Variants in CSNK1G1 observed in about 807,000 individuals in gnomAD.
The protein encoded by CSNK1G1 is casein kinase 1 gamma 1, also known as casein kinase I isoform gamma-1.
In CSNK1G1, 22 loss-of-function variants were observed where a neutral mutation model predicts 59.6. The ratio of observed to expected loss-of-function variants is 0.37; its 90% CI spans 0.26 to 0.53. The LOEUF (loss-of-function observed/expected upper bound fraction) is 0.53, where lower values mean the gene tolerates loss of function less well. Ranked by LOEUF, CSNK1G1 falls within the 20% of genes least tolerant of loss-of-function variation. The pLI, the probability that CSNK1G1 is intolerant of heterozygous loss-of-function variation, is 0.89. For synonymous variants in CSNK1G1, 179 were observed against 177.1 expected (o/e 1.01, Z -0.08); for missense variants, 384 against 519.5 (o/e 0.74, Z 2.54).
intron 7 of CSNK1G1, among the ~76,000 whole-genome samples, chr15:64,206,151 C>CA (rs1205822940): frequency 6.6e-6 from 1 of 152,034 alleles, no homozygotes; most frequent in Non-Finnish European, 1.5e-5. Context: ...ACTAAAAATA[C>CA]AAAAAATTGG....
At chr15:64,324,480 G>A (rs919521562) in intron 1 of CSNK1G1, among the ~76,000 whole-genome samples, 4 of 152,182 alleles carry the variant, frequency 2.6e-5, no homozygotes, top group South Asian at 2.1e-4. Flanking sequence ...TCCTACCCTC[G>A]AAGAACATCT....
At chr15:64,225,487 T>C (rs2082447701) in intron 4 of CSNK1G1, among the ~76,000 whole-genome samples, 1 of 152,176 alleles carries the variant, frequency 6.6e-6, no homozygotes, top group Non-Finnish European at 1.5e-5. Context: ...GAGATGCCTC[T>C]GATTGGTCCT....
chr15:64,204,735 C>T, intron 8 of CSNK1G1, 130 bp downstream of exon 8: 3 of 1,161,862 alleles, frequency 2.6e-6, no homozygotes, highest in South Asian at 1.3e-5. Context: ...AGTGATAAAA[C>T]CTACTTTGGT....
intron 10 of CSNK1G1, among the ~76,000 whole-genome samples, chr15:64,190,422 T>C (rs529775251): frequency 3.7e-4 from 56 of 152,344 alleles, no homozygotes; most frequent in African/African-American, 1.3e-3. Context: ...TTATTTTTAT[T>C]TTTTTGGTTG....
At chr15:64,290,397 T>TA (rs963670213) in intron 2 of CSNK1G1, among the ~76,000 whole-genome samples, 3 of 151,888 alleles carry the variant, frequency 2.0e-5, no homozygotes, top group Non-Finnish European at 4.4e-5. Context: ...ATTCCGCCCT[T>TA]AAAAAAATAA....
intron 1 of CSNK1G1, among the ~76,000 whole-genome samples, chr15:64,343,235 A>ACACACACACACACACACACACC (rs1375118135): frequency 2.0e-5 from 3 of 150,476 alleles, no homozygotes; most frequent in Non-Finnish European, 3.0e-5. Flanking sequence ...ACACACACAC[A>ACACACACACACACACACACACC]CCTCTTCTAA....
chr15:64,307,743 G>C (rs551830397), intron 1 of CSNK1G1, among the ~76,000 whole-genome samples: 94 of 152,346 alleles, frequency 6.2e-4, no homozygotes, highest in Middle Eastern at 3.4e-3. Flanking sequence ...CTGGAGTGCA[G>C]TGGTGCAATC....
At chr15:64,236,318 T>C (rs2082616866) in intron 4 of CSNK1G1, among the ~76,000 whole-genome samples, 1 of 152,132 alleles carries the variant, frequency 6.6e-6, no homozygotes, top group Non-Finnish European at 1.5e-5. Context: ...TATCCATTCA[T>C]ACTTTTGCAC....
chr15:64,272,538 G>T (rs908992402), intron 2 of CSNK1G1, among the ~76,000 whole-genome samples: 2 of 152,122 alleles, frequency 1.3e-5, no homozygotes, highest in African/African-American at 2.4e-5. Flanking sequence ...CTTTTAAATG[G>T]GGGTATTTAG....
chr15:64,216,436 A>G lies in CSNK1G1; in HGVS notation c.444+126T>C. 1 of 907,806 alleles carries G rather than the reference A, an allele frequency of 1.1e-6. No individual in the cohort carries two copies. Among genetic ancestry groups the G allele is most frequent in the South Asian group, 1.8e-5 (1 of 57,032 alleles). The allele number at this position is 907,806 out of a possible 1,614,324, so 56.2% of individuals were successfully genotyped here. On this transcript the variant is annotated intron_variant, in intron 5 of 11. Transcript: ENST00000303052. The surrounding 1 kb of genome is among the most constrained non-coding windows in gnomAD (Gnocchi z 4.6). ...CTTTTTGCCCCAGCCAGCTTCCCAG[A>G]ATGCCATCAAGCCTGTGAGTACTAA...
intron 5 of CSNK1G1, among the ~76,000 whole-genome samples, chr15:64,215,434 G>A (rs767318260): frequency 1.3e-5 from 2 of 151,616 alleles, no homozygotes; most frequent in African/African-American, 4.8e-5. Flanking sequence ...GGATGGTCTC[G>A]ATCTCCTGAC....
chr15:64,223,572 T>C (rs1412833484), intron 4 of CSNK1G1, among the ~76,000 whole-genome samples: 2 of 152,198 alleles, frequency 1.3e-5, no homozygotes, highest in African/African-American at 2.4e-5. Flanking sequence ...CCTTCCTAAA[T>C]TGGTAAACTG....
chr15:64,351,390 A>T (rs1898276670), intron 1 of CSNK1G1, among the ~76,000 whole-genome samples: 1 of 152,208 alleles, frequency 6.6e-6, no homozygotes, highest in Non-Finnish European at 1.5e-5. Flanking sequence ...ATAGATATTA[A>T]ACAAAGGTTT....
chr15:64,233,289 G>A (rs901937763), intron 4 of CSNK1G1, among the ~76,000 whole-genome samples: 7 of 152,142 alleles, frequency 4.6e-5, no homozygotes, highest in Non-Finnish European at 1.0e-4. Flanking sequence ...GAAATTACTG[G>A]TCCAAAATGT....
chr15:64,229,150 A>T (rs62021590), intron 4 of CSNK1G1, among the ~76,000 whole-genome samples: 29,561 of 152,048 alleles, frequency 0.19, 4,008 homozygotes, highest in African/African-American at 0.39. Context: ...CCACCATGTA[A>T]CATATCTGTT....
At chr15:64,312,385 T>C (rs577882556) in intron 1 of CSNK1G1, among the ~76,000 whole-genome samples, 12 of 152,352 alleles carry the variant, frequency 7.9e-5, no homozygotes, top group African/African-American at 2.6e-4. Flanking sequence ...CAAAACAGCA[T>C]GGTACTGGGA....
chr15:64,293,677 G>A lies in CSNK1G1; in HGVS notation c.181+6642C>T, dbSNP rs530789935. ...CCGTGGCCCTGTTAGGAACCAGGCTGCATGGCAGGAGGTGAGCAGTGGGTA... is the reference window on the plus strand; with the variant it reads ...CCGTGGCCCTGTTAGGAACCAGGCTACATGGCAGGAGGTGAGCAGTGGGTA... On this transcript the variant is annotated intron_variant, in intron 2 of 11. Transcript: ENST00000303052. 3.9e-5 allele frequency among the ~76,000 whole-genome samples: 6 copies of A among 152,364 alleles called. No homozygotes were observed. In the East Asian group the frequency reaches 1.2e-3, roughly 29 times the overall value.
At chr15:64,251,862 G>C (rs1439117319) in intron 3 of CSNK1G1, among the ~76,000 whole-genome samples, 1 of 152,100 alleles carries the variant, frequency 6.6e-6, no homozygotes, top group Non-Finnish European at 1.5e-5. Context: ...CTCCTGGAAT[G>C]TATTCTGCCA....
At chr15:64,265,661 T>TAA in intron 2 of CSNK1G1, 2 of 345,734 alleles carry the variant, frequency 5.8e-6, no homozygotes, top group Non-Finnish European at 1.1e-5. Context: ...TACAATAGCT[T>TAA]TAAAAAAAAA....
Sources: gnomAD v4.1 joint callset for allele counts (sites outside exome capture counted in the v4.1 genomes callset) on GRCh38, gnomAD v4.1.1 for gene constraint, Gnocchi (gnomAD v3.1) non-coding constraint, MANE v1.5 for transcripts, NCBI Gene and HGNC (gene_info 2026-07-23, HGNC 2026-07-21) for gene names.